GABBR2: variants seen among roughly 807,000 people sequenced by gnomAD.
GABBR2 encodes the protein gamma-aminobutyric acid type B receptor subunit 2, also known as G-protein coupled receptor 51.
GABBR2 carries 23 observed loss-of-function variants against 105.6 expected under a neutral mutation model. The observed-to-expected ratio is 0.22, with a 90% CI of 0.16 to 0.31. The LOEUF is 0.31. Ranked by LOEUF, GABBR2 falls within the 10% of genes least tolerant of loss-of-function variation. GABBR2 has a pLI of 1.00. For missense variants in GABBR2, 734 were observed against 1,245.5 expected, an observed-to-expected ratio of 0.59 and a Z score of 6.18; for synonymous variants, 478 against 499.7, an observed-to-expected ratio of 0.96 and a Z score of 0.58.
chr9:98,309,603 T>G (rs1421982601), intron 14 of GABBR2, among the ~76,000 whole-genome samples: 1 of 152,216 alleles, frequency 6.6e-6, no homozygotes, highest in East Asian at 1.9e-4. Flanking sequence ...GGTTCTGCCC[T>G]CAGGTCTGTG....
chr9:98,679,425 A>G (rs1738118141), intron 1 of GABBR2, among the ~76,000 whole-genome samples: 1 of 152,236 alleles, frequency 6.6e-6, no homozygotes. Context: ...AAGAGAAGCC[A>G]CTATAATAGC....
At position 98,549,280 on chromosome 9, in the gene GABBR2, TA is replaced by T. The variant is rs926655568; in HGVS notation, c.460-7238del. On this transcript the variant is annotated intron_variant, in intron 2 of 18. Coordinates refer to ENST00000259455, the MANE Select transcript of GABBR2 (RefSeq NM_005458.8). ...TGTTTTGATAGTTTCAAAGGAAAGC[TA>T]AAAAAATGTTTTATTGGGTACCAAA... Among the ~76,000 whole-genome samples the T allele has an allele frequency of 1.6e-5, 2 of 124,374 alleles. 1 individual carries two copies. The highest frequency in any genetic ancestry group is 1.7e-4 in the Admixed American group (2 of 11,560). The allele number at this position is 124,374 out of a possible 152,430, so 81.6% of individuals were successfully genotyped here.
At chr9:98,465,165 A>C (rs941235051) in intron 6 of GABBR2, among the ~76,000 whole-genome samples, 1 of 150,692 alleles carries the variant, frequency 6.6e-6, no homozygotes, top group Non-Finnish European at 1.5e-5. Context: ...TAAAGCATAA[A>C]ATGCTTATTA....
chr9:98,595,709 A>G (rs537961509), intron 1 of GABBR2, among the ~76,000 whole-genome samples: 6 of 152,012 alleles, frequency 3.9e-5, no homozygotes, highest in African/African-American at 1.4e-4. Flanking sequence ...GAAACTAAAT[A>G]ATGATATACA....
intron 1 of GABBR2, among the ~76,000 whole-genome samples, chr9:98,609,164 T>C (rs904057611): frequency 6.6e-6 from 1 of 152,204 alleles, no homozygotes; most frequent in African/African-American, 2.4e-5. Flanking sequence ...ACAACATGCA[T>C]CAGTGGAGAA....
intron 7 of GABBR2, among the ~76,000 whole-genome samples, chr9:98,416,540 C>T (rs1832692399): frequency 6.6e-6 from 1 of 152,208 alleles, no homozygotes; most frequent in Non-Finnish European, 1.5e-5. Flanking sequence ...GATGGGGACT[C>T]CCTGCTCTCC....
intron 3 of GABBR2, among the ~76,000 whole-genome samples, chr9:98,520,962 A>T (rs1479244040): frequency 1.3e-5 from 2 of 152,234 alleles, no homozygotes; most frequent in East Asian, 3.8e-4. Flanking sequence ...AAGAAAGCCA[A>T]TATAAATGAG....
chr9:98,676,756 G>C (rs1830482721), intron 1 of GABBR2, among the ~76,000 whole-genome samples: 1 of 152,224 alleles, frequency 6.6e-6, no homozygotes, highest in Non-Finnish European at 1.5e-5. Flanking sequence ...GTCTGGACCA[G>C]CCATAATGTT....
chr9:98,411,575 G>A (rs541358805), intron 7 of GABBR2, among the ~76,000 whole-genome samples: 1 of 148,404 alleles, frequency 6.7e-6, no homozygotes, highest in South Asian at 2.1e-4. Context: ...TTTTTGTTTT[G>A]TTTTGAGACA....
At chr9:98,614,673 G>C (rs1829554546) in intron 1 of GABBR2, among the ~76,000 whole-genome samples, 1 of 151,846 alleles carries the variant, frequency 6.6e-6, no homozygotes. Context: ...TCTGCAGTAA[G>C]ATATAACAAT....
At position 98,455,563 on chromosome 9, in the gene GABBR2, G is replaced by A. The variant is rs373844453; in HGVS notation, c.1000-1346C>T. Among the ~76,000 whole-genome samples the A allele has an allele frequency of 2.4e-4, 36 of 152,328 alleles. No individual in the cohort carries two copies. In the South Asian group the frequency reaches 7.5e-3, roughly 32 times the overall value. On this transcript the variant is annotated intron_variant, in intron 6 of 18. Coordinates refer to ENST00000259455, the MANE Select transcript of GABBR2 (RefSeq NM_005458.8). Reference sequence around the variant, plus strand: ...AGGTTACACAGCCTGTGTGTGTGTGGTGGAGGGAGGGGGGGCGCGGCACCA... The same window carrying A: ...AGGTTACACAGCCTGTGTGTGTGTGATGGAGGGAGGGGGGGCGCGGCACCA...
intron 1 of GABBR2, among the ~76,000 whole-genome samples, chr9:98,683,880 C>T (rs1588282296): frequency 6.6e-6 from 1 of 151,212 alleles, no homozygotes; most frequent in Non-Finnish European, 1.5e-5. Context: ...TGGTGGCGGG[C>T]GCCTGTAGTC....
intron 13 of GABBR2, among the ~76,000 whole-genome samples, chr9:98,349,344 G>GTTTTTTTTTTTTTTTTTTTTTTT (rs1564026872): frequency 2.8e-5 from 3 of 105,504 alleles, no homozygotes; most frequent in Non-Finnish European, 3.6e-5. Flanking sequence ...TTTTGTTGAA[G>GTTTTTTTTTTTTTTTTTTTTTTT]TTTTGTTTTT....
intron 13 of GABBR2, among the ~76,000 whole-genome samples, chr9:98,340,296 A>C (rs1234010618): frequency 1.3e-5 from 2 of 151,764 alleles, no homozygotes; most frequent in African/African-American, 4.8e-5. Context: ...ATCTTAGTTC[A>C]TACTTTAGAA....
intron 3 of GABBR2, among the ~76,000 whole-genome samples, chr9:98,504,717 G>A (rs902053499): frequency 6.6e-6 from 1 of 152,148 alleles, no homozygotes; most frequent in African/African-American, 2.4e-5. Flanking sequence ...TTCATGAAAT[G>A]TGTCTTCACT....
intron 1 of GABBR2, among the ~76,000 whole-genome samples, chr9:98,588,346 A>G (rs535509987): frequency 6.6e-6 from 1 of 152,380 alleles, no homozygotes; most frequent in East Asian, 1.9e-4. Context: ...AGGAAACAGT[A>G]AGTTCATGTG....
intron 3 of GABBR2, among the ~76,000 whole-genome samples, chr9:98,499,849 C>A (rs1330522095): frequency 6.6e-6 from 1 of 152,188 alleles, no homozygotes; most frequent in Non-Finnish European, 1.5e-5. Context: ...GTCAGGAGTT[C>A]AAAACCAGCC....
intron 13 of GABBR2, among the ~76,000 whole-genome samples, chr9:98,362,386 A>G (rs1412571183): frequency 1.3e-5 from 2 of 152,202 alleles, no homozygotes; most frequent in Non-Finnish European, 2.9e-5. Context: ...ACTTTTTAGG[A>G]GATTTACTTT....
rs570530935 is a variant in GABBR2 at position 98,510,826 on chromosome 9, A to G, written c.631-14312T>C. On this transcript the variant is annotated intron_variant, in intron 3 of 18. Transcript: ENST00000259455. ...GACTCCCACACAATAATAATGGGAG[A>G]CTTTAACACCCCACTGTCAACATTA... Among the ~76,000 whole-genome samples, 16 of 152,304 alleles carry G rather than the reference A, an allele frequency of 1.1e-4. No individual in the cohort carries two copies. The South Asian group carries it at 3.3e-3, about 32-fold the overall frequency.
Sources: gnomAD v4.1 joint callset for allele counts (sites outside exome capture counted in the v4.1 genomes callset) on GRCh38, gnomAD v4.1.1 for gene constraint, MANE v1.5 for transcripts, NCBI Gene and HGNC (gene_info 2026-07-23, HGNC 2026-07-21) for gene names.